CEP350: variants seen among roughly 807,000 people sequenced by gnomAD.
CEP350 encodes centrosomal protein 350, also known as centrosome-associated protein 350.
Under a neutral mutation model 331.8 loss-of-function variants are expected in CEP350, and 126 were observed. The observed-to-expected ratio is 0.38, with a 90% CI of 0.33 to 0.44. The LOEUF is 0.44. CEP350 is among the 20% of genes least tolerant of loss of function. The pLI is 1.00. For missense variants in CEP350, 3,406 were observed against 3,634.6 expected, an observed-to-expected ratio of 0.94 and a Z score of 1.62; for synonymous variants, 1,200 against 1,259.5, an observed-to-expected ratio of 0.95 and a Z score of 1.00.
At chr1:180,054,595 G>T (rs1022006771) in intron 25 of CEP350, 93 bp downstream of exon 25, 3 of 865,130 alleles carry the variant, frequency 3.5e-6, no homozygotes, top group African/African-American at 3.4e-5. Context: ...CCTTATCATT[G>T]CCTTAAATGA....
chr1:180,004,915 CTT>C (rs1232626779), intron 7 of CEP350, among the ~76,000 whole-genome samples: 1 of 70,322 alleles, frequency 1.4e-5, no homozygotes, highest in African/African-American at 3.8e-5. Flanking sequence ...TGCTTTCTTT[CTT>C]TCTTTCTTTC....
intron 29 of CEP350, among the ~76,000 whole-genome samples, chr1:180,079,830 A>G (rs974630816): frequency 6.6e-6 from 1 of 152,170 alleles, no homozygotes; most frequent in African/African-American, 2.4e-5. Flanking sequence ...ACAGGAAAAT[A>G]TATCAAGGAA....
intron 4 of CEP350, among the ~76,000 whole-genome samples, chr1:179,991,659 A>C (rs1156773347): frequency 1.1e-5 from 1 of 93,334 alleles, no homozygotes. Context: ...TGATATGTAT[A>C]TATATATATG....
In CEP350 at chr1:180,053,815, A is replaced by G. The variant is rs1485505976; in HGVS notation, c.5055A>G (p.Arg1685=). The part of the protein sequence containing the change: ...SFSKFTMEMV[R]QYMKEEEMRA... ...CTAAATTTACTATGGAGATGGTTCG[A>G]CAGTATATGAAAGAGGAAGAAATGA... The change falls in exon 24 of 38, where the codon CGA becomes CGG. Residue 1685 remains arginine, a synonymous_variant. Transcript: ENST00000367607. 1 of 1,610,648 alleles carries G rather than the reference A, an allele frequency of 6.2e-7. No individual in the cohort carries two copies. The highest frequency in any genetic ancestry group is 1.1e-5 in the South Asian group (1 of 90,606).
Position 180,114,802 on chromosome 1 carries a change from G to A in CEP350, c.*3641G>A, listed in dbSNP as rs1041094918. The A allele has an allele frequency of 2.6e-5, 4 of 152,642 alleles. No homozygotes were observed. The highest frequency in any genetic ancestry group is 4.8e-5 in the African/African-American group (2 of 41,452). The allele number at this position is 152,642 out of a possible 1,614,324, so 9.5% of individuals were successfully genotyped here. A position where few individuals can be genotyped will look rare whatever the true frequency, so the allele number is the denominator to read the frequency against. On this transcript the variant is annotated 3_prime_UTR_variant, in exon 38 of 38. Transcript: ENST00000367607. ...CTGGGATGAATTCCCATGTATACCT[G>A]TGTAAATAGATTTGTTAACTGAAAT... is the stretch of plus-strand genomic sequence containing the variant.
At chr1:180,063,432 A>G (rs185598447) in intron 26 of CEP350, among the ~76,000 whole-genome samples, 12 of 151,912 alleles carry the variant, frequency 7.9e-5, no homozygotes, top group Admixed American at 2.6e-4. Flanking sequence ...GGCTCAAGCA[A>G]TCCATCTGCC....
At position 180,092,786 on chromosome 1, in the gene CEP350, T is replaced by C; in HGVS notation, c.6681T>C (p.Pro2227=). 1.9e-6 allele frequency: 3 copies of C among 1,579,262 alleles called. No homozygotes were observed. The highest frequency in any genetic ancestry group is 4.6e-5 in the East Asian group (2 of 43,662). The change falls in exon 34 of 38, where the codon CCT becomes CCC. Residue 2227 remains proline, a synonymous_variant. Coordinates refer to ENST00000367607, the MANE Select transcript of CEP350 (RefSeq NM_014810.5). ...EESGDSLENV[P]ALHLLKELNA... ...CTGGAGATTCTCTAGAAAATGTACC[T>C]GCATTACATCTTCTCAAAGAATTAA...
intron 37 of CEP350, among the ~76,000 whole-genome samples, chr1:180,099,820 C>T (rs1660700168): frequency 7.0e-6 from 1 of 143,420 alleles, no homozygotes; most frequent in Non-Finnish European, 1.5e-5. Flanking sequence ...CAGTCTCGCT[C>T]TGTCACCCTG....
At chr1:180,024,206 T>C (rs1183853864) in intron 13 of CEP350, among the ~76,000 whole-genome samples, 1 of 152,152 alleles carries the variant, frequency 6.6e-6, no homozygotes, top group Non-Finnish European at 1.5e-5. Context: ...TTAGTTTTTA[T>C]TGGTTTCACT....
chr1:180,010,486 T>C (rs1207366758), intron 8 of CEP350, among the ~76,000 whole-genome samples: 1 of 151,942 alleles, frequency 6.6e-6, no homozygotes, highest in Non-Finnish European at 1.5e-5. Context: ...TTTATTATAA[T>C]TTTACCAGCA....
rs1407887227 is a variant in CEP350 at position 180,093,305 on chromosome 1, A to G, written c.7200A>G (p.Ser2400=). The G allele has an allele frequency of 4.4e-6, 7 of 1,598,066 alleles. No homozygotes were observed. The highest frequency in any genetic ancestry group is 6.0e-6 in the Non-Finnish European group (7 of 1,171,680). The change falls in exon 34 of 38, where the codon TCA becomes TCG. Residue 2400 remains serine (S), a synonymous_variant. Transcript: ENST00000367607. ...TGTACAAAGATGATTTTGAGGTGTC[A>G]TCTTTGCTGTCACTCAGGAAAGACT... is the stretch of plus-strand genomic sequence containing the variant. The part of the protein sequence containing the change: ...AELYKDDFEV[S]SLLSLRKDSQ...
At chr1:179,982,052 T>C (rs1383658683) in intron 1 of CEP350, among the ~76,000 whole-genome samples, 1 of 152,180 alleles carries the variant, frequency 6.6e-6, no homozygotes, top group Non-Finnish European at 1.5e-5. Flanking sequence ...GCATAATTCA[T>C]GTTATCTGAA....
Position 180,092,801 on chromosome 1 carries a change from CAAA to C in CEP350, c.6697_6699del (p.Lys2233del), listed in dbSNP as rs750881366. 1 of 1,572,976 alleles carries C rather than the reference CAAA, an allele frequency of 6.4e-7. No homozygotes were observed. ...AAAATGTACCTGCATTACATCTTCTCAAAGAATTAAATGCCACTAGTAGAATTC... is the reference window on the plus strand; with the variant it reads ...AAAATGTACCTGCATTACATCTTCTCGAATTAAATGCCACTAGTAGAATTC... On this transcript the variant is annotated inframe_deletion, in exon 34 of 38. Transcript: ENST00000367607.
In CEP350 at chr1:180,078,689, A is replaced by T. The variant is rs1309391688; in HGVS notation, c.5979+15A>T. On this transcript the variant is annotated intron_variant, in intron 29 of 37. Coordinates refer to ENST00000367607, the MANE Select transcript of CEP350 (RefSeq NM_014810.5). ...CTAGTAAACATGTAAGTTAATGTAT[A>T]TTTATATCTTAAAGATTCTCTAGAA... is the stretch of plus-strand genomic sequence containing the variant. The T allele has an allele frequency of 6.4e-7, 1 of 1,565,858 alleles. No homozygotes were observed. Among genetic ancestry groups the T allele is most frequent in the Middle Eastern group, 2.1e-4 (1 of 4,856 alleles).
At chr1:180,084,840 A>T (rs1202584004) in intron 31 of CEP350, among the ~76,000 whole-genome samples, 1 of 152,126 alleles carries the variant, frequency 6.6e-6, no homozygotes, top group Non-Finnish European at 1.5e-5. Context: ...TAGCCACTGC[A>T]TTCCAGCCTG....
At chr1:180,100,854 A>G (rs1660760567) in intron 37 of CEP350, among the ~76,000 whole-genome samples, 1 of 152,234 alleles carries the variant, frequency 6.6e-6, no homozygotes, top group South Asian at 2.1e-4. Context: ...CTTAATTGCT[A>G]TCACGAGAAT....
chr1:179,997,072 G>A lies in CEP350; in HGVS notation c.915G>A (p.Lys305=). 1 of 1,614,038 alleles carries A rather than the reference G, an allele frequency of 6.2e-7. No individual in the cohort carries two copies. The highest frequency in any genetic ancestry group is 8.5e-7 in the Non-Finnish European group (1 of 1,179,900). ...HSEETNGRGQ[K]LGHIDHPVMV... is the part of the protein sequence containing the mutation. ...AAGAAACAAATGGCCGGGGCCAGAA[G>A]CTGGGTCATATTGACCATCCAGTAA... is the stretch of plus-strand genomic sequence containing the variant. Residue 305 remains lysine, a synonymous_variant, in exon 6 of 38, where the codon AAG becomes AAA. Transcript: ENST00000367607.
rs950425577 is a variant in CEP350, at chr1:180,093,374, A to G, written c.7269A>G (p.Thr2423=). ...RDKPQPMRSS[T]SGATSFGSNE... ...AGCCACAGCCAATGAGGAGCTCTACAAGTGGAGCCACTAGCTTTGGTAGTA... is the reference window on the plus strand; with the variant it reads ...AGCCACAGCCAATGAGGAGCTCTACGAGTGGAGCCACTAGCTTTGGTAGTA... Residue 2423 remains threonine, a synonymous_variant, in exon 34 of 38, where the codon ACA becomes ACG. Transcript: ENST00000367607. 1 of 1,600,404 alleles carries G rather than the reference A, an allele frequency of 6.2e-7. No individual in the cohort carries two copies. The highest frequency in any genetic ancestry group is 8.5e-7 in the Non-Finnish European group (1 of 1,173,296).
At position 180,093,706 on chromosome 1, in the gene CEP350, C is replaced by G. The variant is rs1241912925; in HGVS notation, c.7601C>G (p.Pro2534Arg). Reference sequence around the variant, plus strand: ...TGGGCCGGAGTGGAGTTAGATAAACCTGAAGGAAATAACAATGGAACATAT... The same window carrying G: ...TGGGCCGGAGTGGAGTTAGATAAACGTGAAGGAAATAACAATGGAACATAT... ...GFWAGVELDKPEGNNNGTYDG... is the reference protein window; with the variant it reads ...GFWAGVELDKREGNNNGTYDG... Residue 2534 changes from proline (P) to arginine (R), a missense_variant, in exon 34 of 38, where the codon CCT becomes CGT. This residue lies in a region of CEP350 where 1,415 missense variants were observed against 1,512.3 expected (regional missense o/e 0.94). Transcript: ENST00000367607. 7 of 1,613,710 alleles carry G rather than the reference C, an allele frequency of 4.3e-6. No homozygotes were observed. The highest frequency in any genetic ancestry group is 5.9e-6 in the Non-Finnish European group (7 of 1,179,812).
Sources: allele counts gnomAD v4.1 joint callset (sites outside exome capture counted in the v4.1 genomes callset), GRCh38; gene constraint gnomAD v4.1.1; regional missense constraint gnomAD v4.1.1; transcripts MANE v1.5; gene names NCBI Gene and HGNC (gene_info 2026-07-23, HGNC 2026-07-21).